The following CCDC91 variants were observed in gnomAD, a reference collection of about 807,000 sequenced individuals.
The protein encoded by CCDC91 is coiled-coil domain containing 91.
In CCDC91, 48 loss-of-function variants were observed where a neutral mutation model predicts 63.2. That is an observed-to-expected ratio of 0.76 (90% CI 0.60 to 0.97). The LOEUF (loss-of-function observed/expected upper bound fraction) is 0.97, where lower values mean the gene tolerates loss of function less well. Among genes scored for constraint, CCDC91 ranks in the 50% least tolerant of loss-of-function variants. The pLI, the probability that CCDC91 is intolerant of heterozygous loss-of-function variation, is 0.00. For synonymous variants in CCDC91, 167 were observed against 165.8 expected (o/e 1.01, Z -0.06); for missense variants, 500 against 494.6 (o/e 1.01, Z -0.10).
chr12:28,453,388 T>C (rs996143010), intron 11 of CCDC91, among the ~76,000 whole-genome samples: 2 of 152,018 alleles, frequency 1.3e-5, no homozygotes, highest in African/African-American at 4.8e-5. Context: ...TTAAATATAC[T>C]ACAATTGTTC....
intron 1 of CCDC91, among the ~76,000 whole-genome samples, chr12:28,216,034 C>T (rs1943541742): frequency 6.6e-6 from 1 of 151,926 alleles, no homozygotes; most frequent in African/African-American, 2.4e-5. Context: ...CTTAGTAGTA[C>T]TTAATCGTTG....
chr12:28,253,581 A>G (rs1371921418), intron 1 of CCDC91, among the ~76,000 whole-genome samples: 1 of 152,122 alleles, frequency 6.6e-6, no homozygotes, highest in Admixed American at 6.6e-5. Flanking sequence ...GGATTCTCTT[A>G]TGTATTCATA....
intron 1 of CCDC91, among the ~76,000 whole-genome samples, chr12:28,200,742 C>T (rs370232993): frequency 1.3e-5 from 2 of 151,576 alleles, no homozygotes; most frequent in South Asian, 4.2e-4. Flanking sequence ...CTTTCTATTC[C>T]ACAAAACCGC....
At chr12:28,322,895 T>C (rs1050890858) in intron 6 of CCDC91, among the ~76,000 whole-genome samples, 2 of 151,698 alleles carry the variant, frequency 1.3e-5, no homozygotes, top group East Asian at 1.9e-4. Context: ...AAGTAAAATA[T>C]AACTTTTGAT....
intron 6 of CCDC91, among the ~76,000 whole-genome samples, chr12:28,342,691 T>A (rs1184396481): frequency 6.6e-6 from 1 of 151,964 alleles, no homozygotes; most frequent in Non-Finnish European, 1.5e-5. Flanking sequence ...GAATATAGGA[T>A]CTAGTGGATA....
chr12:28,307,786 T>A (rs185440318), intron 6 of CCDC91, 37 bp downstream of exon 6: 454 of 1,069,748 alleles, frequency 4.2e-4, no homozygotes, highest in Admixed American at 6.2e-4. Context: ...AATGTAAGCC[T>A]TTTGATGAAG....
chr12:28,322,186 T>C (rs889775663), intron 6 of CCDC91, among the ~76,000 whole-genome samples: 2 of 151,966 alleles, frequency 1.3e-5, no homozygotes, highest in African/African-American at 4.8e-5. Flanking sequence ...TTATGTTACC[T>C]ACTCCATCTG....
intron 6 of CCDC91, among the ~76,000 whole-genome samples, chr12:28,335,952 TA>T (rs76089745): frequency 3.8e-4 from 57 of 150,128 alleles, no homozygotes; most frequent in Non-Finnish European, 6.2e-4. Context: ...TTTTTTTTTT[TA>T]AAAAAAAACC....
At chr12:28,524,140 C>G (rs1447501019) in intron 12 of CCDC91, among the ~76,000 whole-genome samples, 3 of 152,132 alleles carry the variant, frequency 2.0e-5, no homozygotes, top group Non-Finnish European at 4.4e-5. Context: ...ATTGCTCTGA[C>G]TAGGACTTCC....
At chr12:28,249,422 A>G (rs773349989) in intron 1 of CCDC91, among the ~76,000 whole-genome samples, 9 of 152,142 alleles carry the variant, frequency 5.9e-5, no homozygotes, top group Non-Finnish European at 1.3e-4. Flanking sequence ...TTATTGTTAA[A>G]ACCTGGCTTG....
At chr12:28,303,240 G>A (rs1252877809) in intron 3 of CCDC91, among the ~76,000 whole-genome samples, 2 of 152,058 alleles carry the variant, frequency 1.3e-5, no homozygotes, top group Non-Finnish European at 2.9e-5. Flanking sequence ...AAATGGAGAC[G>A]GGTTATGAAC....
rs189786034 is a variant in CCDC91, at chr12:28,255,374, A to G, written c.-14-1828A>G. ...AAAAATTTTTTGTTTCTTCAGATTC[A>G]TGGGATACATGTGGAAGAGATAAAG... On this transcript the variant is annotated intron_variant, in intron 1 of 12. Coordinates refer to ENST00000536442, the MANE Select transcript of CCDC91 (RefSeq NM_018318.5). Among the ~76,000 whole-genome samples, 425 of 152,290 alleles carry G rather than the reference A, an allele frequency of 2.8e-3. 1 individual carries two copies. The highest frequency in any genetic ancestry group is 8.3e-3 in the South Asian group (40 of 4,820).
intron 8 of CCDC91, among the ~76,000 whole-genome samples, chr12:28,407,959 TATATA>T (rs1565925729): frequency 8.8e-6 from 1 of 113,154 alleles, no homozygotes; most frequent in Non-Finnish European, 2.0e-5. Flanking sequence ...TACATATATA[TATATA>T]TTTTTTTTAT....
At chr12:28,270,264 T>G (rs1947665695) in intron 3 of CCDC91, among the ~76,000 whole-genome samples, 1 of 152,102 alleles carries the variant, frequency 6.6e-6, no homozygotes, top group South Asian at 2.1e-4. Flanking sequence ...CAAAGATGTT[T>G]AGAGATATAC....
chr12:28,494,573 C>T (rs2141034044), intron 12 of CCDC91, among the ~76,000 whole-genome samples: 1 of 151,780 alleles, frequency 6.6e-6, no homozygotes, highest in Admixed American at 6.6e-5. Flanking sequence ...TTATTACTTC[C>T]TGCTTTCTAG....
chr12:28,365,459 AT>A (rs1287247837), intron 7 of CCDC91, among the ~76,000 whole-genome samples: 3 of 152,182 alleles, frequency 2.0e-5, no homozygotes, highest in African/African-American at 7.2e-5. Context: ...TTTCATTAAT[AT>A]TTTTAAAGCC....
At chr12:28,503,061 A>ACAAAAGC (rs1938170074) in intron 12 of CCDC91, among the ~76,000 whole-genome samples, 1 of 152,220 alleles carries the variant, frequency 6.6e-6, no homozygotes, top group Non-Finnish European at 1.5e-5. Context: ...AGCAATGGCA[A>ACAAAAGC]CAAAAGCCAA....
intron 6 of CCDC91, among the ~76,000 whole-genome samples, chr12:28,334,416 C>G (rs1198948130): frequency 6.6e-6 from 1 of 152,100 alleles, no homozygotes; most frequent in Non-Finnish European, 1.5e-5. Context: ...GTAAAAACCT[C>G]TTTTCTCTAA....
chr12:28,401,985 G>A (rs1455970715), intron 8 of CCDC91, among the ~76,000 whole-genome samples: 1 of 151,896 alleles, frequency 6.6e-6, no homozygotes, highest in Non-Finnish European at 1.5e-5. Flanking sequence ...AAAGACTATC[G>A]ATTACCCCCA....
Sources: gnomAD v4.1 joint callset for allele counts (sites outside exome capture counted in the v4.1 genomes callset) on GRCh38, gnomAD v4.1.1 for gene constraint, MANE v1.5 for transcripts, NCBI Gene and HGNC (gene_info 2026-07-23, HGNC 2026-07-21) for gene names.